Variants in PISD observed in about 807,000 individuals in gnomAD.
The protein encoded by PISD is phosphatidylserine decarboxylase proenzyme, mitochondrial.
Under a neutral mutation model 43.5 loss-of-function variants are expected in PISD, and 31 were observed. The observed-to-expected ratio is 0.71, with a 90% confidence interval of 0.54 to 0.96. PISD has a LOEUF of 0.96. Ranked by LOEUF, PISD falls within the 40% of genes least tolerant of loss-of-function variation. The pLI, the probability that PISD is intolerant of heterozygous loss-of-function variation, is 0.00. For missense variants in PISD, 523 were observed against 548.4 expected, an observed-to-expected ratio of 0.95 and a Z score of 0.46; for synonymous variants, 259 against 228.7, an observed-to-expected ratio of 1.13 and a Z score of -1.20.
chr22:31,624,231 G>A (rs906168346), intron 3 of PISD, among the ~76,000 whole-genome samples: 1 of 152,222 alleles, frequency 6.6e-6, no homozygotes, highest in Non-Finnish European at 1.5e-5. Context: ...GGGGAGAGCA[G>A]GGTGTAGGGC....
Position 31,621,439 on chromosome 22 carries a change from C to T in PISD, c.592G>A (p.Gly198Arg), listed in dbSNP as rs762395199. 2.5e-6 allele frequency: 4 copies of T among 1,614,002 alleles called. No homozygotes were observed. The highest frequency in any genetic ancestry group is 3.4e-6 in the Non-Finnish European group (4 of 1,180,020). ...SPSDGRILNF[G>R]QVKNCEVEQV... ...TCCACCTCACAGTTCTTCACCTGCC[C>T]AAAGTTGAGGATCCTTCCATCCGAT... Residue 198 changes from glycine (G) to arginine (R), a missense_variant, in exon 5 of 8, where the codon GGG becomes AGG. Coordinates refer to ENST00000439502, the MANE Select transcript of PISD (RefSeq NM_001326411.2).
intron 4 of PISD, 88 bp from the exon 5 acceptor site, chr22:31,621,560 C>A (rs1371137868): frequency 6.3e-7 from 1 of 1,599,444 alleles, no homozygotes; most frequent in Non-Finnish European, 8.5e-7. Flanking sequence ...TCATCCTGCC[C>A]CTTCCAGATA....
chr22:31,638,833 T>C (rs2073600825), intron 3 of PISD: 2 of 152,028 alleles, frequency 1.3e-5, no homozygotes, highest in Admixed American at 1.3e-4. Context: ...TTTTTTTTTT[T>C]TTTGAGATAG....
chr22:31,626,012 C>T, intron 3 of PISD: 1 of 1,441,518 alleles, frequency 6.9e-7, no homozygotes, highest in South Asian at 1.4e-5. Flanking sequence ...AATAGAGGGT[C>T]AGGGCTATTG....
chr22:31,637,206 T>G lies in PISD; in HGVS notation c.321+10895A>C, dbSNP rs551787891. On this transcript the variant is annotated intron_variant, in intron 3 of 7. Coordinates refer to ENST00000439502, the MANE Select transcript of PISD (RefSeq NM_001326411.2). Reference sequence around the variant, plus strand: ...ATATATATATATATATATATATATATAGAAAAATTAGCCGGGCATGGTGGT... The same window carrying G: ...ATATATATATATATATATATATATAGAGAAAAATTAGCCGGGCATGGTGGT... 5.9e-3 allele frequency among the ~76,000 whole-genome samples: 600 copies of G among 102,060 alleles called. 21 individuals carry two copies. Among genetic ancestry groups the G allele is most frequent in the African/African-American group, 0.021 (522 of 25,366 alleles). 67.0% of individuals were successfully genotyped at this position (102,060 alleles called of 152,430 possible).
At chr22:31,654,502 G>C (rs1459147370) in intron 1 of PISD, among the ~76,000 whole-genome samples, 2 of 152,110 alleles carry the variant, frequency 1.3e-5, no homozygotes, top group Non-Finnish European at 2.9e-5. Flanking sequence ...GTCTGTAGAA[G>C]ACAGGATTCC....
In PISD at chr22:31,621,774, A is replaced by AT. The variant is rs758927458; in HGVS notation, c.432_433insA (p.Trp145MetfsTer44). 6.2e-7 allele frequency: 1 copy of AT among 1,614,152 alleles called. No homozygotes were observed. The highest frequency in any genetic ancestry group is 8.5e-7 in the Non-Finnish European group (1 of 1,180,042). On this transcript the variant is annotated frameshift_variant, in exon 4 of 8. Transcript: ENST00000439502. LOFTEE classifies it high-confidence loss of function. ...TCTTTCATGTTCACCCCAAACGTCC[A>AT]GATGTACAGGCTGTAGACGGGCCTG...
chr22:31,660,433 A>C (rs1288424680), intron 1 of PISD, among the ~76,000 whole-genome samples: 1 of 152,134 alleles, frequency 6.6e-6, no homozygotes, highest in Non-Finnish European at 1.5e-5. Context: ...TGGGTGGATC[A>C]CTTGAGCCCA....
chr22:31,653,197 G>A (rs1742105236), intron 1 of PISD, among the ~76,000 whole-genome samples: 1 of 151,944 alleles, frequency 6.6e-6, no homozygotes, highest in Non-Finnish European at 1.5e-5. Flanking sequence ...ACAATGAAGG[G>A]TATATTTCAG....
chr22:31,648,717 T>C (rs916658828), intron 2 of PISD, among the ~76,000 whole-genome samples: 2 of 150,608 alleles, frequency 1.3e-5, no homozygotes, highest in Admixed American at 6.6e-5. Context: ...ACCCTCAACA[T>C]ATCTAGCAGG....
chr22:31,637,164 A>ATATAT (rs1205211767), intron 3 of PISD, among the ~76,000 whole-genome samples: 12 of 13,608 alleles, frequency 8.8e-4, no homozygotes, highest in East Asian at 4.3e-3. Flanking sequence ...AAAAAAAAAA[A>ATATAT]ATATATATAT....
Position 31,621,883 on chromosome 22 carries a change from C to T in PISD, c.324G>A (p.Val108=), listed in dbSNP as rs746888629. 1.2e-6 allele frequency: 2 copies of T among 1,605,768 alleles called. No individual in the cohort carries two copies. Among genetic ancestry groups the T allele is most frequent in the Non-Finnish European group, 1.7e-6 (2 of 1,179,082 alleles). The change falls in exon 4 of 8, where the codon GTG becomes GTA. Residue 108 remains valine, a splice_region_variant and synonymous_variant. Coordinates refer to ENST00000439502, the MANE Select transcript of PISD (RefSeq NM_001326411.2). ...GCGTTGGCACTGACTTGTACAAAGC[C>T]ACCTGCAGGCCACAGGGCAAGGGGC... ...IPPKLAGHWE[V]ALYKSVPTRL...
chr22:31,620,772 G>A (rs2072513383), intron 6 of PISD, 59 bp from the exon 7 acceptor site: 2 of 1,595,148 alleles, frequency 1.3e-6, no homozygotes, highest in Non-Finnish European at 8.6e-7. Context: ...CCACCCCATG[G>A]CAGCCAAGAC....
chr22:31,645,621 A>C (rs954451421), intron 3 of PISD, among the ~76,000 whole-genome samples: 1 of 144,412 alleles, frequency 6.9e-6, no homozygotes, highest in Non-Finnish European at 1.5e-5. Context: ...CAGGTGATCC[A>C]CCCGCCTCAG....
At position 31,619,335 on chromosome 22, in the gene PISD, A is replaced by G. The variant is rs568129622; in HGVS notation, c.*277T>C. ...AGGCTCTTCCGTCTATACAGTGTTT[A>G]AAAAGATCCAAATGTGACTGAGATC... On this transcript the variant is annotated 3_prime_UTR_variant, in exon 8 of 8. Transcript: ENST00000439502. 2.1e-6 allele frequency: 1 copy of G among 486,832 alleles called. No individual in the cohort carries two copies. Among genetic ancestry groups the G allele is most frequent in the African/African-American group, 1.9e-5 (1 of 51,690 alleles). The allele number at this position is 486,832 out of a possible 1,614,324, so 30.2% of individuals were successfully genotyped here. A position where few individuals can be genotyped will look rare whatever the true frequency, so the allele number is the denominator to read the frequency against.
chr22:31,621,679 C>G lies in PISD; in HGVS notation c.528G>C (p.Gln176His), dbSNP rs1569481130. The change falls in exon 4 of 8, where the codon CAG becomes CAC. Residue 176 changes from glutamine (Q) to histidine (H), a missense_variant. Coordinates refer to ENST00000439502, the MANE Select transcript of PISD (RefSeq NM_001326411.2). ...TGTGCAGGCCACAGACAGGCCGGGC[C>G]TGCGGCTTCAGCTTGCGCCGGAAGA... is the stretch of plus-strand genomic sequence containing the variant. Reference protein sequence around the residue: ...SEFFRRKLKPQARPVCGLHSV... With the variant: ...SEFFRRKLKPHARPVCGLHSV... 6.2e-7 allele frequency: 1 copy of G among 1,613,770 alleles called. No individual in the cohort carries two copies. The highest frequency in any genetic ancestry group is 8.5e-7 in the Non-Finnish European group (1 of 1,179,922).
At chr22:31,658,160 G>C (rs2074229495) in intron 1 of PISD, among the ~76,000 whole-genome samples, 1 of 152,162 alleles carries the variant, frequency 6.6e-6, no homozygotes. Context: ...GTATGCCCCA[G>C]AAAGATGAAT....
At chr22:31,631,269 A>T (rs551478221) in intron 3 of PISD, among the ~76,000 whole-genome samples, 1 of 152,136 alleles carries the variant, frequency 6.6e-6, no homozygotes, top group Admixed American at 6.5e-5. Context: ...CGTGCTGCTG[A>T]CCTCACTGAG....
intron 3 of PISD, among the ~76,000 whole-genome samples, chr22:31,628,663 G>C (rs1453866935): frequency 6.6e-6 from 1 of 152,166 alleles, no homozygotes; most frequent in Non-Finnish European, 1.5e-5. Flanking sequence ...AGCAGGGAAA[G>C]GCATTGGCAA....
Sources: allele counts gnomAD v4.1 joint callset (sites outside exome capture counted in the v4.1 genomes callset), GRCh38; gene constraint gnomAD v4.1.1; transcripts MANE v1.5; gene names NCBI Gene and HGNC (gene_info 2026-07-23, HGNC 2026-07-21).